OPA3: variants seen among roughly 807,000 people sequenced by gnomAD.
The protein encoded by OPA3 is optic atrophy 3 protein.
OPA3 carries 6 observed loss-of-function variants against 4.0 expected under a neutral mutation model. That is an observed-to-expected ratio of 1.51 (90% CI 0.83 to 2.99). OPA3 has a LOEUF of 2.99. OPA3 is among the 30% of genes most tolerant of loss of function. OPA3 has a pLI of 0.00. For missense variants in OPA3, 235 were observed against 256.2 expected (o/e 0.92, Z 0.56); for synonymous variants, 105 against 117.1 (o/e 0.90, Z 0.67).
At chr19:45,575,874 G>A (rs1017063563) in intron 1 of OPA3, among the ~76,000 whole-genome samples, 2 of 152,126 alleles carry the variant, frequency 1.3e-5, no homozygotes, top group South Asian at 2.1e-4. Context: ...CTAAAGTGCT[G>A]GGATAACAGG....
intron 1 of OPA3, among the ~76,000 whole-genome samples, chr19:45,579,441 A>C (rs1490237207): frequency 6.6e-6 from 1 of 151,898 alleles, no homozygotes; most frequent in African/African-American, 2.4e-5. Context: ...GGCTGGTCTC[A>C]AACTCCTGAC....
chr19:45,557,540 C>A (rs1969439640), intron 1 of OPA3, among the ~76,000 whole-genome samples: 1 of 152,128 alleles, frequency 6.6e-6, no homozygotes, highest in Admixed American at 6.5e-5. Flanking sequence ...GCACCTGGCC[C>A]CACACCTGTC....
chr19:45,532,564 T>A (rs1461512911), intron 1 of OPA3, among the ~76,000 whole-genome samples: 1 of 152,096 alleles, frequency 6.6e-6, no homozygotes, highest in Admixed American at 6.6e-5. Flanking sequence ...TGCACTGATC[T>A]CCTCACTTTC....
intron 1 of OPA3, among the ~76,000 whole-genome samples, chr19:45,531,884 G>A (rs970045581): frequency 3.9e-5 from 6 of 152,090 alleles, no homozygotes; most frequent in Non-Finnish European, 5.9e-5. Context: ...TTAGCCCTTC[G>A]AATTTTTCTT....
chr19:45,561,225 C>T (rs944568900), intron 1 of OPA3, among the ~76,000 whole-genome samples: 2 of 152,150 alleles, frequency 1.3e-5, no homozygotes, highest in Admixed American at 1.3e-4. Context: ...CCCAGCTACT[C>T]GGGAGGCTGG....
rs1969282543 is a variant in OPA3, at chr19:45,548,433, G to T, written c.*5081C>A. 1.0e-6 allele frequency: 1 copy of T among 985,510 alleles called. No individual in the cohort carries two copies. Among genetic ancestry groups the T allele is most frequent in the Non-Finnish European group, 1.2e-6 (1 of 829,996 alleles). 61.0% of individuals were successfully genotyped at this position (985,510 alleles called of 1,614,324 possible). ...GGGTTTTGTGAGCTGGGATGAATGG[G>T]TTTATAGTCCTGAGTCACTCCAGAG... On this transcript the variant is annotated 3_prime_UTR_variant, in exon 2 of 2. Transcript: ENST00000263275.
At chr19:45,570,027 A>C (rs745902721) in intron 1 of OPA3, among the ~76,000 whole-genome samples, 3 of 152,226 alleles carry the variant, frequency 2.0e-5, no homozygotes, top group Non-Finnish European at 4.4e-5. Flanking sequence ...ACCGGGGTCA[A>C]TGACCGAGAT....
chr19:45,574,164 C>T (rs1446207014), intron 1 of OPA3, among the ~76,000 whole-genome samples: 12 of 150,938 alleles, frequency 8.0e-5, no homozygotes, highest in East Asian at 5.9e-4. Context: ...GAGGCTGAGG[C>T]GGGCGGATCA....
chr19:45,565,581 G>T (rs1197293955), intron 1 of OPA3, among the ~76,000 whole-genome samples: 1 of 152,204 alleles, frequency 6.6e-6, no homozygotes, highest in Admixed American at 6.5e-5. Context: ...GGTGAGCTGA[G>T]ATCATGCCAT....
downstream of OPA3, among the ~76,000 whole-genome samples, chr19:45,544,644 A>G (rs1969224249): frequency 1.3e-5 from 2 of 152,188 alleles, no homozygotes; most frequent in South Asian, 4.1e-4. Flanking sequence ...AAAACACAAA[A>G]TTAGCCGGGC....
At chr19:45,574,210 G>A (rs1329381134) in intron 1 of OPA3, among the ~76,000 whole-genome samples, 5 of 151,788 alleles carry the variant, frequency 3.3e-5, no homozygotes, top group Non-Finnish European at 5.9e-5. Context: ...TGGCTAACAT[G>A]GTGAAACCCC....
rs1298625414 is a variant in OPA3 at position 45,553,435 on chromosome 19, G to C, written c.*79C>G. On this transcript the variant is annotated 3_prime_UTR_variant, in exon 2 of 2. Transcript: ENST00000263275. ...TCCTGGTGGTTTCCACTGGGCCAGC[G>C]CAGGCAAGGGTGGTGCGGGAAGAAG... 6.2e-7 allele frequency: 1 copy of C among 1,601,940 alleles called. No individual in the cohort carries two copies. The highest frequency in any genetic ancestry group is 1.3e-5 in the African/African-American group (1 of 75,028).
At chr19:45,561,485 T>A (rs1189902685) in intron 1 of OPA3, among the ~76,000 whole-genome samples, 1 of 152,076 alleles carries the variant, frequency 6.6e-6, no homozygotes, top group Non-Finnish European at 1.5e-5. Context: ...AAGGACACAG[T>A]AGTGACTGCT....
At chr19:45,533,806 G>A (rs1208874052) in intron 1 of OPA3, among the ~76,000 whole-genome samples, 1 of 152,238 alleles carries the variant, frequency 6.6e-6, no homozygotes, top group Non-Finnish European at 1.5e-5. Context: ...GGTTGAACAA[G>A]CGGCTCCGTC....
At chr19:45,584,375 G>T (rs542051236) in intron 1 of OPA3, 1 of 985,226 alleles carries the variant, frequency 1.0e-6, no homozygotes, top group African/African-American at 1.7e-5. Context: ...GTCTCCAAGC[G>T]CTCTCTTCCT....
At chr19:45,543,309 C>T (rs1025949303), downstream of OPA3, among the ~76,000 whole-genome samples, 2 of 149,508 alleles carry the variant, frequency 1.3e-5, no homozygotes, top group African/African-American at 4.9e-5. Context: ...CCACAACTGG[C>T]CTATTTTTAT....
At chr19:45,537,869 G>T (rs1568396553) in intron 1 of OPA3, among the ~76,000 whole-genome samples, 1 of 152,068 alleles carries the variant, frequency 6.6e-6, no homozygotes, top group East Asian at 1.9e-4. Flanking sequence ...ATTCTAAGTG[G>T]TGGGTACAAG....
rs999346307 is a variant in OPA3, at chr19:45,572,680, CTA to C, written c.142+11941_142+11942del. On this transcript the variant is annotated intron_variant, in intron 1 of 1. Transcript: ENST00000263275. ...ATATATATCTATATGAGATATATAT[CTA>C]TATATATCATACTATATATATGATA... 8.5e-4 allele frequency among the ~76,000 whole-genome samples: 100 copies of C among 118,326 alleles called. 1 individual carries two copies. The East Asian group carries it at 0.01, about 12-fold the overall frequency. 77.6% of individuals were successfully genotyped at this position (118,326 alleles called of 152,430 possible).
chr19:45,548,326 C>A lies in OPA3; in HGVS notation c.*5188G>T, dbSNP rs1457554294. On this transcript the variant is annotated 3_prime_UTR_variant, in exon 2 of 2. Coordinates refer to ENST00000263275, the MANE Select transcript of OPA3 (RefSeq NM_025136.4). ...CATTTTGCCTCCCTCCAGGCAATGG[C>A]CTGCCCTACAGAGAAACCAACAAGA... 4 of 985,390 alleles carry A rather than the reference C, an allele frequency of 4.1e-6. No individual in the cohort carries two copies. The African/African-American group carries it at 7.0e-5, about 17-fold the overall frequency. The allele number at this position is 985,390 out of a possible 1,614,324, so 61.0% of individuals were successfully genotyped here. A position where few individuals can be genotyped will look rare whatever the true frequency, so the allele number is the denominator to read the frequency against.
Sources: gnomAD v4.1 joint callset for allele counts (sites outside exome capture counted in the v4.1 genomes callset) on GRCh38, gnomAD v4.1.1 for gene constraint, MANE v1.5 for transcripts, NCBI Gene and HGNC (gene_info 2026-07-23, HGNC 2026-07-21) for gene names.